Variants in NRF1 observed in about 807,000 individuals in gnomAD.
NRF1 encodes alpha palindromic-binding protein.
NRF1 carries 5 observed loss-of-function variants against 58.5 expected under a neutral mutation model. The ratio of observed to expected loss-of-function variants is 0.09; its 90% CI spans 0.04 to 0.18. The LOEUF (loss-of-function observed/expected upper bound fraction) is 0.18, where lower values mean the gene tolerates loss of function less well. NRF1 is among the 10% of genes least tolerant of loss of function. NRF1 has a pLI of 1.00. For synonymous variants in NRF1, 224 were observed against 246.7 expected (o/e 0.91, Z 0.86); for missense variants, 288 against 657.7 (o/e 0.44, Z 6.15).
At chr7:129,708,864 A>G (rs922901215) in intron 5 of NRF1, among the ~76,000 whole-genome samples, 3 of 152,184 alleles carry the variant, frequency 2.0e-5, no homozygotes, top group African/African-American at 7.2e-5. Context: ...AATGCAGCCT[A>G]AGGTGCACTT....
intron 10 of NRF1, among the ~76,000 whole-genome samples, chr7:129,743,352 TG>T (rs1271946407): frequency 6.6e-6 from 1 of 152,222 alleles, no homozygotes; most frequent in African/African-American, 2.4e-5. Context: ...AGAGGGCATG[TG>T]AACACTCGGG....
intron 2 of NRF1, among the ~76,000 whole-genome samples, chr7:129,659,724 C>A (rs566256872): frequency 6.6e-6 from 1 of 152,214 alleles, no homozygotes; most frequent in Non-Finnish European, 1.5e-5. Flanking sequence ...GCCTGCCCCC[C>A]TCTCCCGGAA....
At chr7:129,680,596 G>A (rs1476730742) in intron 4 of NRF1, among the ~76,000 whole-genome samples, 1 of 152,182 alleles carries the variant, frequency 6.6e-6, no homozygotes, top group Non-Finnish European at 1.5e-5. Flanking sequence ...TCCATAGGAT[G>A]GAATATTATT....
intron 4 of NRF1, among the ~76,000 whole-genome samples, chr7:129,682,387 G>T (rs534761211): frequency 1.3e-5 from 2 of 151,606 alleles, no homozygotes; most frequent in South Asian, 4.2e-4. Flanking sequence ...TGAGCCCAGA[G>T]GTCAAGTCTG....
intron 3 of NRF1, among the ~76,000 whole-genome samples, chr7:129,674,899 T>A (rs1802141096): frequency 6.6e-6 from 1 of 152,198 alleles, no homozygotes; most frequent in Admixed American, 6.5e-5. Context: ...TTAAAAATAA[T>A]ACAACAAATT....
chr7:129,631,566 C>T (rs1452737321), intron 1 of NRF1, among the ~76,000 whole-genome samples: 1 of 151,996 alleles, frequency 6.6e-6, no homozygotes, highest in Non-Finnish European at 1.5e-5. Flanking sequence ...GGAGGCTGGC[C>T]AGGAACTTGA....
intron 5 of NRF1, among the ~76,000 whole-genome samples, 192 bp from the exon 6 acceptor site, chr7:129,708,883 T>C (rs957986413): frequency 6.6e-6 from 1 of 152,184 alleles, no homozygotes. Context: ...TTTATCAACA[T>C]ATTTATAATT....
rs7782530 is a variant in NRF1 at position 129,676,243 on chromosome 7, G to C, written c.339-1389G>C. Among the ~76,000 whole-genome samples, 1,152 of 152,312 alleles carry C rather than the reference G, an allele frequency of 7.6e-3. 18 individuals carry two copies. The highest frequency in any genetic ancestry group is 0.026 in the African/African-American group (1,095 of 41,572). ...TATCATTTGTGTGTTCATTGGAGTA[G>C]CATTTGTAATTTCCCTCAAGGACTT... On this transcript the variant is annotated intron_variant, in intron 3 of 10. Coordinates refer to ENST00000393232, the MANE Select transcript of NRF1 (RefSeq NM_005011.5).
intron 9 of NRF1, 41 bp from the exon 10 acceptor site, chr7:129,727,200 T>C: frequency 6.5e-7 from 1 of 1,542,522 alleles, no homozygotes; most frequent in Non-Finnish European, 8.7e-7. Context: ...GCAGTGCTGT[T>C]CCTCTATTCA....
chr7:129,639,928 A>G (rs1405451252), intron 1 of NRF1, among the ~76,000 whole-genome samples: 1 of 152,226 alleles, frequency 6.6e-6, no homozygotes, highest in African/African-American at 2.4e-5. Flanking sequence ...TAAACAATTT[A>G]ATATAGGTGA....
intron 3 of NRF1, among the ~76,000 whole-genome samples, chr7:129,676,587 C>T (rs1002103824): frequency 6.6e-6 from 1 of 152,194 alleles, no homozygotes; most frequent in Non-Finnish European, 1.5e-5. Context: ...TGGGCACTGT[C>T]GTGCCCCAAA....
intron 10 of NRF1, among the ~76,000 whole-genome samples, chr7:129,738,945 A>G (rs1437050562): frequency 1.3e-5 from 2 of 152,184 alleles, no homozygotes; most frequent in East Asian, 1.9e-4. Context: ...GCATAATACA[A>G]ATGAAAATCA....
chr7:129,720,337 G>A (rs1022570692), intron 9 of NRF1, among the ~76,000 whole-genome samples: 48 of 152,156 alleles, frequency 3.2e-4, no homozygotes, highest in African/African-American at 1.0e-3. Flanking sequence ...AGGGTTGGAT[G>A]TAAGAAACAA....
chr7:129,713,035 G>T (rs1803110607), intron 8 of NRF1, among the ~76,000 whole-genome samples: 1 of 150,650 alleles, frequency 6.6e-6, no homozygotes, highest in South Asian at 2.1e-4. Flanking sequence ...GTTTCCTTCT[G>T]TATAAAATAA....
At chr7:129,686,704 G>C (rs115120267) in intron 4 of NRF1, among the ~76,000 whole-genome samples, 1 of 152,252 alleles carries the variant, frequency 6.6e-6, no homozygotes, top group Non-Finnish European at 1.5e-5. Context: ...TCAAATGGCA[G>C]TGGTATACAA....
intron 10 of NRF1, among the ~76,000 whole-genome samples, chr7:129,752,855 G>A (rs978633293): frequency 9.2e-5 from 14 of 152,136 alleles, no homozygotes; most frequent in South Asian, 2.1e-4. Context: ...GCCCTTCTGC[G>A]TGCTTCCCCC....
intron 1 of NRF1, among the ~76,000 whole-genome samples, chr7:129,629,795 C>T (rs1584588090): frequency 6.6e-6 from 1 of 152,148 alleles, no homozygotes; most frequent in East Asian, 1.9e-4. Context: ...TTATCGTGAG[C>T]ACATGAAGGT....
intron 5 of NRF1, among the ~76,000 whole-genome samples, chr7:129,703,694 A>G (rs1210624404): frequency 2.0e-5 from 3 of 152,228 alleles, no homozygotes; most frequent in South Asian, 2.1e-4. Flanking sequence ...AATACCTTTT[A>G]CTTCTTTTGG....
chr7:129,706,707 G>T (rs892053790), intron 5 of NRF1, among the ~76,000 whole-genome samples: 1 of 152,170 alleles, frequency 6.6e-6, no homozygotes, highest in Non-Finnish European at 1.5e-5. Context: ...GGCCTGGTGG[G>T]AGAGCCGAAG....
Sources: gnomAD v4.1 joint callset for allele counts (sites outside exome capture counted in the v4.1 genomes callset) on GRCh38, gnomAD v4.1.1 for gene constraint, MANE v1.5 for transcripts, NCBI Gene and HGNC (gene_info 2026-07-23, HGNC 2026-07-21) for gene names.